FAM20C: variants seen among roughly 807,000 people sequenced by gnomAD.
FAM20C encodes extracellular serine/threonine protein kinase FAM20C.
In FAM20C, 40 loss-of-function variants were observed where a neutral mutation model predicts 51.5. The observed-to-expected ratio is 0.78, with a 90% CI of 0.60 to 1.01. The LOEUF (loss-of-function observed/expected upper bound fraction) is 1.01. Ranked by LOEUF, FAM20C falls within the 50% of genes least tolerant of loss-of-function variation. The pLI, the probability that FAM20C is intolerant of heterozygous loss-of-function variation, is 0.00. For missense variants in FAM20C, 861 were observed against 844.7 expected (o/e 1.02, Z -0.24); for synonymous variants, 406 against 380.6 (o/e 1.07, Z -0.78).
Position 193,071 on chromosome 7 carries a change from C to G in FAM20C, c.-129C>G. 5 of 770,952 alleles carry G rather than the reference C, an allele frequency of 6.5e-6. No homozygotes were observed. The highest frequency in any genetic ancestry group is 8.6e-6 in the Non-Finnish European group (5 of 578,744). The allele number at this position is 770,952 out of a possible 1,614,324, so 47.8% of individuals were successfully genotyped here. A position where few individuals can be genotyped will look rare whatever the true frequency, so the allele number is the denominator to read the frequency against. On this transcript the variant is annotated 5_prime_UTR_variant, in exon 1 of 10. Coordinates refer to ENST00000313766, the MANE Select transcript of FAM20C (RefSeq NM_020223.4). Reference sequence around the variant, plus strand: ...GCACGCGGCCCGGGCCCGGGGACAGCCCCGGAGCTGGTAGCCGCCCGGCAC... The same window carrying G: ...GCACGCGGCCCGGGCCCGGGGACAGGCCCGGAGCTGGTAGCCGCCCGGCAC...
intron 3 of FAM20C, among the ~76,000 whole-genome samples, chr7:220,461 G>A (rs987284572): frequency 6.6e-6 from 1 of 152,208 alleles, no homozygotes; most frequent in Non-Finnish European, 1.5e-5. Context: ...TCAGAGAGGG[G>A]TGATGCGTGG....
chr7:245,533 G>T (rs1261516261), intron 3 of FAM20C, among the ~76,000 whole-genome samples: 2 of 152,166 alleles, frequency 1.3e-5, no homozygotes, highest in African/African-American at 2.4e-5. Flanking sequence ...TCCAGTGGAG[G>T]CAGGGGCCGG....
chr7:248,342 C>T lies in FAM20C; in HGVS notation c.984C>T (p.Pro328=), dbSNP rs753579879. The T allele has an allele frequency of 2.0e-5, 30 of 1,536,988 alleles. No homozygotes were observed. The highest frequency in any genetic ancestry group is 1.2e-4 in the African/African-American group (9 of 73,052). The change falls in exon 5 of 10, where the codon CCC becomes CCT. Residue 328 remains proline (P), a synonymous_variant. Coordinates refer to ENST00000313766, the MANE Select transcript of FAM20C (RefSeq NM_020223.4). ...DRILDFRRVP[P]VAGRMVNMTK... ...TCCTGGACTTCCGCCGGGTCCCTCC[C>T]GTGGCCGGCAGGATGGTCAACATGA... is the stretch of plus-strand genomic sequence containing the variant.
At chr7:217,031 A>C (rs1202212865) in intron 3 of FAM20C, among the ~76,000 whole-genome samples, 21 of 152,076 alleles carry the variant, frequency 1.4e-4, no homozygotes, top group Admixed American at 1.4e-3. Flanking sequence ...GTCATGTCTG[A>C]CTGGCTTCCT....
intron 3 of FAM20C, among the ~76,000 whole-genome samples, chr7:230,427 T>C (rs1022126494): frequency 1.4e-5 from 2 of 147,754 alleles, no homozygotes; most frequent in African/African-American, 4.9e-5. Context: ...CTGTGGTTAT[T>C]TATTACAGCA....
chr7:229,564 T>A (rs1051707084), intron 3 of FAM20C: 3 of 152,370 alleles, frequency 2.0e-5, no homozygotes, highest in African/African-American at 7.2e-5. Flanking sequence ...AGATGGGGGA[T>A]GAGCAAGGTG....
At position 204,918 on chromosome 7, in the gene FAM20C, G is replaced by A. The variant is rs143448851; in HGVS notation, c.785-3980G>A. 4.8e-3 allele frequency among the ~76,000 whole-genome samples: 729 copies of A among 151,786 alleles called. 11 individuals are homozygous for A. The highest frequency in any genetic ancestry group is 4.8e-3 in the Non-Finnish European group (329 of 67,898). ...CACACTGCCGCTGTTCTCGGTGCTCGGGGAGGGGACGTGGCACTCTTGTGG... is the reference window on the plus strand; with the variant it reads ...CACACTGCCGCTGTTCTCGGTGCTCAGGGAGGGGACGTGGCACTCTTGTGG... On this transcript the variant is annotated intron_variant, in intron 2 of 9. Transcript: ENST00000313766.
intron 3 of FAM20C, among the ~76,000 whole-genome samples, chr7:212,458 G>C (rs541138622): frequency 1.3e-5 from 2 of 151,874 alleles, no homozygotes; most frequent in African/African-American, 4.8e-5. Context: ...ACAAGACTCC[G>C]TCTCAAAAAA....
chr7:194,738 C>T (rs950432301), intron 1 of FAM20C, among the ~76,000 whole-genome samples: 11 of 151,986 alleles, frequency 7.2e-5, no homozygotes, highest in African/African-American at 2.2e-4. Context: ...GAGACGGCCG[C>T]CCAGAGCAGC....
At chr7:216,725 GTC>G in intron 3 of FAM20C, among the ~76,000 whole-genome samples, 1 of 150,796 alleles carries the variant, frequency 6.6e-6, no homozygotes, top group African/African-American at 2.5e-5. Context: ...GTGTGTGTGT[GTC>G]CGTCTACGTC....
intron 1 of FAM20C, among the ~76,000 whole-genome samples, chr7:194,789 C>T (rs1360533925): frequency 3.5e-5 from 5 of 142,460 alleles, no homozygotes; most frequent in African/African-American, 5.2e-5. Context: ...ACCCCGCCCC[C>T]GTGTCCACCG....
At position 260,270 on chromosome 7, in the gene FAM20C, T is replaced by C. The variant is rs1451615985; in HGVS notation, c.*290T>C. 2.8e-6 allele frequency: 1 copy of C among 352,496 alleles called. No individual in the cohort carries two copies. The highest frequency in any genetic ancestry group is 5.1e-6 in the Non-Finnish European group (1 of 194,544). The allele number at this position is 352,496 out of a possible 1,614,324, so 21.8% of individuals were successfully genotyped here. ...GGAAAGGAGCCTTTATTTACTATTT[T>C]GTATTTATATTTGATGAATAAGTAT... On this transcript the variant is annotated 3_prime_UTR_variant, in exon 10 of 10. Transcript: ENST00000313766.
chr7:222,501 C>G (rs1296930751), intron 3 of FAM20C, among the ~76,000 whole-genome samples: 1 of 152,190 alleles, frequency 6.6e-6, no homozygotes, highest in East Asian at 1.9e-4. Context: ...AGGCCCAGGG[C>G]TGGCACTGAG....
chr7:206,509 A>G (rs1786392939), intron 2 of FAM20C, among the ~76,000 whole-genome samples: 2 of 149,500 alleles, frequency 1.3e-5, no homozygotes, highest in Non-Finnish European at 3.0e-5. Context: ...GTCCACTGTG[A>G]CGCGTCTGTC....
intron 2 of FAM20C, among the ~76,000 whole-genome samples, chr7:199,886 G>A (rs1441200578): frequency 2.0e-5 from 3 of 152,162 alleles, no homozygotes; most frequent in Admixed American, 6.6e-5. Flanking sequence ...GTGAGGATTC[G>A]GGCAGCTTCT....
chr7:196,937 C>A (rs560297925), intron 2 of FAM20C, among the ~76,000 whole-genome samples: 16 of 152,284 alleles, frequency 1.1e-4, no homozygotes, highest in African/African-American at 3.9e-4. Flanking sequence ...AACCTGAACC[C>A]CTGCCCCCCT....
Position 233,456 on chromosome 7 carries a change from C to T in FAM20C, c.864-12959C>T, listed in dbSNP as rs962424560. Among the ~76,000 whole-genome samples, 21 of 152,272 alleles carry T rather than the reference C, an allele frequency of 1.4e-4. No homozygotes were observed. In the South Asian group the frequency reaches 3.9e-3, roughly 29 times the overall value. ...GGCTGCTGGAACAAATCACGGCAAA[C>T]GCAGTGTCTTCAGACAACACAAGCA... On this transcript the variant is annotated intron_variant, in intron 3 of 9. Transcript: ENST00000313766.
chr7:235,313 T>G (rs901766039), intron 3 of FAM20C, among the ~76,000 whole-genome samples: 2 of 152,024 alleles, frequency 1.3e-5, no homozygotes, highest in African/African-American at 2.4e-5. Context: ...CCTTCTGAAA[T>G]GCCGGACGCA....
chr7:232,878 C>T (rs1787741920), intron 3 of FAM20C, among the ~76,000 whole-genome samples: 1 of 152,222 alleles, frequency 6.6e-6, no homozygotes, highest in Admixed American at 6.5e-5. Context: ...ACAACGAATC[C>T]TCTTGGAGCC....
Sources: gnomAD v4.1 joint callset for allele counts (sites outside exome capture counted in the v4.1 genomes callset) on GRCh38, gnomAD v4.1.1 for gene constraint, MANE v1.5 for transcripts, NCBI Gene and HGNC (gene_info 2026-07-23, HGNC 2026-07-21) for gene names.